ZSWIM4: variants seen among roughly 807,000 people sequenced by gnomAD.
ZSWIM4 encodes the protein zinc finger SWIM domain-containing protein 4.
ZSWIM4 carries 62 observed loss-of-function variants against 102.5 expected under a neutral mutation model. The observed-to-expected ratio is 0.60, with a 90% CI of 0.49 to 0.75. The LOEUF (loss-of-function observed/expected upper bound fraction) is 0.75. ZSWIM4 is among the 30% of genes least tolerant of loss of function. The pLI is 0.00. For synonymous variants in ZSWIM4, 652 were observed against 674.5 expected (o/e 0.97, Z 0.52); for missense variants, 1,280 against 1,529.6 (o/e 0.84, Z 2.72).
chr19:13,798,817 C>G (rs1481862839), intron 1 of ZSWIM4, among the ~76,000 whole-genome samples: 4 of 152,198 alleles, frequency 2.6e-5, no homozygotes, highest in Admixed American at 2.6e-4. Flanking sequence ...GAGACGGAGT[C>G]TCGCTCCGTG....
intron 5 of ZSWIM4, among the ~76,000 whole-genome samples, chr19:13,812,789 C>T (rs529956663): frequency 5.3e-5 from 8 of 152,196 alleles, no homozygotes; most frequent in South Asian, 4.1e-4. Context: ...CAACTTCTAA[C>T]TTACCAGCGG....
At position 13,830,336 on chromosome 19, in the gene ZSWIM4, G is replaced by C; in HGVS notation, c.2607G>C (p.Trp869Cys). 1.2e-6 allele frequency: 2 copies of C among 1,613,380 alleles called. No individual in the cohort carries two copies. Residue 869 changes from tryptophan to cysteine, a missense_variant, in exon 14 of 14, where the codon TGG becomes TGC. Transcript: ENST00000590508. ...ACACATCGCGGAGGGAGGAGCTCTGGGCCTGCGCCCGCACCCTGGCCTTGC... is the reference window on the plus strand; with the variant it reads ...ACACATCGCGGAGGGAGGAGCTCTGCGCCTGCGCCCGCACCCTGGCCTTGC... The part of the protein sequence containing the change: ...QLDTSRREEL[W>C]ACARTLALQC...
chr19:13,800,065 ATT>A (rs71170569), intron 2 of ZSWIM4, 144 bp downstream of exon 2: 12,305 of 375,958 alleles, frequency 0.033, no homozygotes, highest in East Asian at 0.043. Flanking sequence ...ATTGTACAAG[ATT>A]TTTTTTTTTT....
rs1205185839 is a variant in ZSWIM4 at position 13,818,248 on chromosome 19, T to C, written c.1924+272T>C. ...TCCCGGGAGCCAGTGAGCCAAGTGG[T>C]TGATGTTAAAGCGAGGGCGTCCCAC... On this transcript the variant is annotated intron_variant, in intron 9 of 13. Coordinates refer to ENST00000590508, the MANE Select transcript of ZSWIM4 (RefSeq NM_001367834.3). Among the ~76,000 whole-genome samples the C allele has an allele frequency of 4.6e-5, 7 of 152,122 alleles. No individual in the cohort carries two copies. In the East Asian group the frequency reaches 1.4e-3, roughly 29 times the overall value.
chr19:13,806,438 A>G (rs560541668), intron 3 of ZSWIM4, among the ~76,000 whole-genome samples: 70 of 152,078 alleles, frequency 4.6e-4, no homozygotes, highest in African/African-American at 1.7e-3. Context: ...AGGCTGAGGA[A>G]GGAGGATCAC....
intron 10 of ZSWIM4, among the ~76,000 whole-genome samples, chr19:13,821,470 G>A (rs1975459986): frequency 6.6e-6 from 1 of 152,080 alleles, no homozygotes; most frequent in Non-Finnish European, 1.5e-5. Flanking sequence ...GGAATTCAAG[G>A]CTGTAGTGAT....
In ZSWIM4 at chr19:13,795,759, C is replaced by A; in HGVS notation, c.111C>A (p.Asp37Glu). The change falls in exon 1 of 14, where the codon GAC becomes GAA. Residue 37 changes from aspartate (D) to glutamate (E), a missense_variant. By Grantham distance (45) the Asp-to-Glu change is conservative. Transcript: ENST00000590508. ...GGGGCCGGCCCGAGGCGCTGCTGGA[C>A]CTCAGCGCCAAGCGGGTAGCCGAGA... is the stretch of plus-strand genomic sequence containing the variant. ...RGRGRPEALL[D>E]LSAKRVAESW... is the part of the protein sequence containing the mutation. 1 of 1,243,136 alleles carries A rather than the reference C, an allele frequency of 8.0e-7. No homozygotes were observed. Among genetic ancestry groups the A allele is most frequent in the East Asian group, 3.0e-5 (1 of 32,906 alleles). The allele number at this position is 1,243,136 out of a possible 1,614,324, so 77.0% of individuals were successfully genotyped here. A position where few individuals can be genotyped will look rare whatever the true frequency, so the allele number is the denominator to read the frequency against.
intron 12 of ZSWIM4, 82 bp from the exon 13 acceptor site, chr19:13,828,563 G>A (rs1975672600): frequency 8.1e-7 from 1 of 1,237,896 alleles, no homozygotes; most frequent in African/African-American, 1.5e-5. Context: ...AAGTGTTTCT[G>A]GGGTCCTCCA....
intron 12 of ZSWIM4, 73 bp from the exon 13 acceptor site, chr19:13,828,572 C>T: frequency 7.3e-7 from 1 of 1,373,338 alleles, no homozygotes; most frequent in South Asian, 1.2e-5. Flanking sequence ...TGGGGTCCTC[C>T]ATCTCCCAAC....
chr19:13,800,341 C>T (rs1425710067), intron 2 of ZSWIM4, among the ~76,000 whole-genome samples: 25 of 139,964 alleles, frequency 1.8e-4, no homozygotes, highest in African/African-American at 6.6e-4. Flanking sequence ...TCTCGGCTCA[C>T]TGCAAGCTCC....
chr19:13,823,169 T>C (rs1373147122), intron 10 of ZSWIM4, among the ~76,000 whole-genome samples, 177 bp from the exon 11 acceptor site: 2 of 152,000 alleles, frequency 1.3e-5, no homozygotes, highest in Non-Finnish European at 2.9e-5. Context: ...TAAGTAAATG[T>C]ATCAATTTAT....
chr19:13,822,151 CACACACACACAT>C (rs1233440763), intron 10 of ZSWIM4, among the ~76,000 whole-genome samples: 2 of 136,070 alleles, frequency 1.5e-5, no homozygotes, highest in African/African-American at 5.7e-5. Context: ...AACACACAAA[CACACACACACAT>C]ACACACACAC....
intron 3 of ZSWIM4, among the ~76,000 whole-genome samples, 159 bp from the exon 4 acceptor site, chr19:13,808,677 T>C (rs1462367128): frequency 6.7e-6 from 1 of 148,332 alleles, no homozygotes; most frequent in Non-Finnish European, 1.5e-5. Context: ...AGGCAGAGGT[T>C]GTAGTGAGCG....
intron 7 of ZSWIM4, 147 bp from the exon 8 acceptor site, chr19:13,817,067 CAA>C: frequency 2.2e-5 from 21 of 974,002 alleles, no homozygotes; most frequent in South Asian, 7.8e-5. Context: ...GACCCCACCT[CAA>C]AAAAAAAAGT....
intron 7 of ZSWIM4, 135 bp downstream of exon 7, chr19:13,815,000 TAA>T (rs5827209): frequency 1.4e-3 from 477 of 338,382 alleles, no homozygotes; most frequent in Middle Eastern, 2.6e-3. Context: ...CTACAAAAAT[TAA>T]AAAAAAAAAA....
intron 10 of ZSWIM4, among the ~76,000 whole-genome samples, chr19:13,820,094 T>A (rs1201635448): frequency 1.3e-5 from 2 of 152,046 alleles, no homozygotes; most frequent in African/African-American, 4.8e-5. Context: ...GAGACAGGAT[T>A]TCGCCATGTT....
At chr19:13,832,254 A>AAAAAAAAG (rs869120344), downstream of ZSWIM4, 5 of 147,600 alleles carry the variant, frequency 3.4e-5, no homozygotes, top group African/African-American at 1.3e-4. Context: ...AAAAAAAAAA[A>AAAAAAAAG]TGTCTGGCCT....
In ZSWIM4 at chr19:13,830,325, G is replaced by A. The variant is rs374767100; in HGVS notation, c.2596G>A (p.Glu866Lys). 2.5e-6 allele frequency: 4 copies of A among 1,613,402 alleles called. No individual in the cohort carries two copies. In the African/African-American group the frequency reaches 4.0e-5, roughly 16 times the overall value. ...LRLQLDTSRR[E>K]ELWACARTLA... is the part of the protein sequence containing the mutation. ...ACTGCAGCTGGACACATCGCGGAGG[G>A]AGGAGCTCTGGGCCTGCGCCCGCAC... The change falls in exon 14 of 14, where the codon GAG (glutamate) becomes AAG (lysine). Residue 866 changes from glutamate (E) to lysine (K), a missense_variant. Transcript: ENST00000590508.
At position 13,823,448 on chromosome 19, in the gene ZSWIM4, C is replaced by T. The variant is rs1392255036; in HGVS notation, c.2163C>T (p.His721=). 1 of 1,582,950 alleles carries T rather than the reference C, an allele frequency of 6.3e-7. No homozygotes were observed. The highest frequency in any genetic ancestry group is 8.6e-7 in the Non-Finnish European group (1 of 1,163,140). The change falls in exon 11 of 14, where the codon CAC becomes CAT. Residue 721 remains histidine, a synonymous_variant. Transcript: ENST00000590508. Reference sequence around the variant, plus strand: ...TCCCCCGCTGGTTCATCCTTGGCCACCTGGAGACCCGCCAGTGTGAACTGG... The same window carrying T: ...TCCCCCGCTGGTTCATCCTTGGCCATCTGGAGACCCGCCAGTGTGAACTGG... ...NRFPRWFILG[H]LETRQCELAS...
Sources: allele counts gnomAD v4.1 joint callset (sites outside exome capture counted in the v4.1 genomes callset), GRCh38; gene constraint gnomAD v4.1.1; transcripts MANE v1.5; gene names NCBI Gene and HGNC (gene_info 2026-07-23, HGNC 2026-07-21).